The following CENPU variants were observed in gnomAD, a reference collection of about 807,000 sequenced individuals.
The protein encoded by CENPU is KSHV latent nuclear antigen interacting protein 1.
CENPU carries 46 observed loss-of-function variants against 56.7 expected under a neutral mutation model. The observed-to-expected ratio is 0.81, with a 90% CI of 0.64 to 1.04. The LOEUF is 1.04. Among genes scored for constraint, CENPU ranks in the 50% least tolerant of loss-of-function variants. The pLI is 0.00. For missense variants in CENPU, 510 were observed against 490.1 expected, an observed-to-expected ratio of 1.04 and a Z score of -0.38; for synonymous variants, 166 against 163.0, an observed-to-expected ratio of 1.02 and a Z score of -0.14.
intron 6 of CENPU, 147 bp from the exon 7 acceptor site, chr4:184,713,160 G>A: frequency 1.8e-6 from 1 of 543,962 alleles, no homozygotes; most frequent in Non-Finnish European, 3.2e-6. Context: ...GGAGGCTGAG[G>A]CGGGCAGATC....
rs115166608 is a variant in CENPU at position 184,725,624 on chromosome 4, C to T, written c.215-562G>A. Among the ~76,000 whole-genome samples the T allele has an allele frequency of 9.0e-3, 1,376 of 152,318 alleles. 20 individuals carry two copies. Among genetic ancestry groups the T allele is most frequent in the African/African-American group, 0.032 (1,321 of 41,570 alleles). Reference sequence around the variant, plus strand: ...CTGCATGAGAGACCACTGCATTAAACTATAAACTCAACAGGCCTAGAGAGG... The same window carrying T: ...CTGCATGAGAGACCACTGCATTAAATTATAAACTCAACAGGCCTAGAGAGG... On this transcript the variant is annotated intron_variant, in intron 3 of 12. Coordinates refer to ENST00000281453, the MANE Select transcript of CENPU (RefSeq NM_024629.4).
chr4:184,713,710 A>G (rs1349218190), intron 6 of CENPU, among the ~76,000 whole-genome samples: 1 of 152,150 alleles, frequency 6.6e-6, no homozygotes, highest in Non-Finnish European at 1.5e-5. Flanking sequence ...CAGGCACTGG[A>G]CAGTAGGCAA....
chr4:184,705,330 C>T (rs546863155), intron 8 of CENPU, among the ~76,000 whole-genome samples: 17 of 152,186 alleles, frequency 1.1e-4, no homozygotes, highest in South Asian at 2.1e-4. Flanking sequence ...AGGTTGCACA[C>T]GATACAGTTT....
intron 12 of CENPU, among the ~76,000 whole-genome samples, chr4:184,696,394 A>AGGT (rs1211798112): frequency 1.3e-5 from 2 of 152,206 alleles, no homozygotes; most frequent in African/African-American, 4.8e-5. Context: ...GACGCTCATC[A>AGGT]GGTGGTGTGT....
intron 1 of CENPU, among the ~76,000 whole-genome samples, chr4:184,731,399 G>A (rs1468814208): frequency 6.6e-6 from 1 of 152,208 alleles, no homozygotes; most frequent in Non-Finnish European, 1.5e-5. Flanking sequence ...GGAGCCAGGA[G>A]GGAGACAAGC....
rs1561147538 is a variant in CENPU at position 184,729,153 on chromosome 4, G to A, written c.97-118C>T. On this transcript the variant is annotated intron_variant, in intron 2 of 12. Coordinates refer to ENST00000281453, the MANE Select transcript of CENPU (RefSeq NM_024629.4). Reference sequence around the variant, plus strand: ...CCTAAGGAAGCAATCCTTATGCATGGGGTGATGGATTCACTACCTACCCTG... The same window carrying A: ...CCTAAGGAAGCAATCCTTATGCATGAGGTGATGGATTCACTACCTACCCTG... The A allele has an allele frequency of 4.0e-6, 3 of 754,170 alleles. No individual in the cohort carries two copies. In the East Asian group the frequency reaches 7.6e-5, roughly 19 times the overall value. The allele number at this position is 754,170 out of a possible 1,614,324, so 46.7% of individuals were successfully genotyped here.
chr4:184,724,954 T>A lies in CENPU; in HGVS notation c.320+3A>T. Reference sequence around the variant, plus strand: ...TAAACAATTGCTTGAAATACACCAGTACCTTCTTTTTGCTTCTTTTCCTGG... The same window carrying A: ...TAAACAATTGCTTGAAATACACCAGAACCTTCTTTTTGCTTCTTTTCCTGG... On this transcript the variant is annotated splice_donor_region_variant and intron_variant, in intron 4 of 12. Transcript: ENST00000281453. The A allele has an allele frequency of 6.3e-7, 1 of 1,579,174 alleles. No individual in the cohort carries two copies. Among genetic ancestry groups the A allele is most frequent in the African/African-American group, 1.3e-5 (1 of 74,086 alleles).
At chr4:184,705,592 T>C (rs949162257) in intron 8 of CENPU, among the ~76,000 whole-genome samples, 3 of 152,030 alleles carry the variant, frequency 2.0e-5, no homozygotes, top group Admixed American at 1.3e-4. Context: ...AAAAAAAAGT[T>C]GTAACTTGTT....
intron 8 of CENPU, among the ~76,000 whole-genome samples, chr4:184,702,997 G>A (rs1184843193): frequency 3.3e-5 from 5 of 151,906 alleles, no homozygotes; most frequent in African/African-American, 9.7e-5. Context: ...GGTTGATTCC[G>A]TCTTTACTAT....
intron 5 of CENPU, 123 bp from the exon 6 acceptor site, chr4:184,716,756 A>G (rs1761108216): frequency 1.3e-6 from 1 of 757,750 alleles, no homozygotes; most frequent in South Asian, 1.9e-5. Flanking sequence ...AAAATTGAAC[A>G]TAATAGGAAG....
intron 7 of CENPU, among the ~76,000 whole-genome samples, chr4:184,710,772 C>A (rs1760894834): frequency 6.6e-6 from 1 of 152,132 alleles, no homozygotes; most frequent in Admixed American, 6.5e-5. Context: ...AAGAAAATAT[C>A]TGTGAATGCA....
intron 3 of CENPU, among the ~76,000 whole-genome samples, chr4:184,727,973 G>A (rs1340260513): frequency 6.6e-6 from 1 of 152,200 alleles, no homozygotes; most frequent in African/African-American, 2.4e-5. Flanking sequence ...TGGCTGCCAG[G>A]GGCTTGAAGG....
At chr4:184,717,085 C>T in intron 5 of CENPU, 51 bp downstream of exon 5, 1 of 1,209,290 alleles carries the variant, frequency 8.3e-7, no homozygotes. Flanking sequence ...TACTTGCATC[C>T]AATCAAACTA....
In CENPU at chr4:184,694,561, A is replaced by G. The variant is rs1298768168; in HGVS notation, c.*727T>C. 7.4e-6 allele frequency: 12 copies of G among 1,614,060 alleles called. No homozygotes were observed. The highest frequency in any genetic ancestry group is 1.0e-5 in the Non-Finnish European group (12 of 1,179,916). On this transcript the variant is annotated 3_prime_UTR_variant, in exon 13 of 13. Transcript: ENST00000281453. ...AACAGATGAAGCAGATGAAACTAGG[A>G]GCAATGAAACCCAGAATCCTCATAA... is the stretch of plus-strand genomic sequence containing the variant.
In CENPU at chr4:184,730,932, ATGTGT is replaced by A. The variant is rs759527229; in HGVS notation, c.79_83del (p.Thr27PhefsTer5). 18 of 1,582,124 alleles carry A rather than the reference ATGTGT, an allele frequency of 1.1e-5. No homozygotes were observed. Among genetic ancestry groups the A allele is most frequent in the African/African-American group, 2.8e-5 (2 of 72,680 alleles). ...AAAGGTAACTTACATCTTTCATGGA[ATGTGT>A]TCTTTCTAAAGTGTTCTTTGAACGT... On this transcript the variant is annotated frameshift_variant, in exon 2 of 13. Coordinates refer to ENST00000281453, the MANE Select transcript of CENPU (RefSeq NM_024629.4). LOFTEE classifies it high-confidence loss of function.
intron 6 of CENPU, among the ~76,000 whole-genome samples, chr4:184,716,099 A>G (rs1019721773): frequency 5.9e-5 from 9 of 151,808 alleles, no homozygotes; most frequent in Non-Finnish European, 7.4e-5. Context: ...CATCCAGCTA[A>G]TTTTTGTACT....
At chr4:184,729,666 G>C (rs780718983) in intron 2 of CENPU, among the ~76,000 whole-genome samples, 4 of 152,204 alleles carry the variant, frequency 2.6e-5, no homozygotes, top group Non-Finnish European at 4.4e-5. Context: ...CTGACCTAGG[G>C]AAAGTGATGG....
At chr4:184,717,648 A>ACAC (rs1437236797) in intron 4 of CENPU, among the ~76,000 whole-genome samples, 3 of 152,248 alleles carry the variant, frequency 2.0e-5, no homozygotes, top group African/African-American at 7.2e-5. Flanking sequence ...AATTTATTTA[A>ACAC]CACCAACCTC....
In CENPU at chr4:184,725,026, T is replaced by G. The variant is rs755282359; in HGVS notation, c.251A>C (p.Glu84Ala). ...PLHSTAIYAD[E>A]EEFSKHCGLS... ...TCCACAATGTTTGGAGAATTCTTCT[T>G]CATCAGCATATATAGCTGTGCTATG... The change falls in exon 4 of 13, where the codon GAA becomes GCA. Residue 84 changes from glutamate (E) to alanine (A), a missense_variant. Physicochemically the swap from Glu to Ala is moderately radical, Grantham distance 107. Transcript: ENST00000281453. The G allele has an allele frequency of 1.9e-6, 3 of 1,612,830 alleles. No individual in the cohort carries two copies. Among genetic ancestry groups the G allele is most frequent in the South Asian group, 2.2e-5 (2 of 90,846 alleles).
Sources: allele counts gnomAD v4.1 joint callset (sites outside exome capture counted in the v4.1 genomes callset), GRCh38; gene constraint gnomAD v4.1.1; transcripts MANE v1.5; gene names NCBI Gene and HGNC (gene_info 2026-07-23, HGNC 2026-07-21).